RANBP2: variants seen among roughly 807,000 people sequenced by gnomAD.
RANBP2 encodes the protein E3 SUMO-protein ligase RanBP2.
A neutral mutation model predicts 303.6 loss-of-function variants in RANBP2; 57 were observed. That is an observed-to-expected ratio of 0.19 (90% CI 0.15 to 0.23). RANBP2 has a LOEUF of 0.23. Ranked by LOEUF, RANBP2 falls within the 10% of genes least tolerant of loss-of-function variation. The pLI is 1.00. For missense variants in RANBP2, 3,138 were observed against 3,780.8 expected, an observed-to-expected ratio of 0.83 and a Z score of 4.46; for synonymous variants, 1,167 against 1,301.5, an observed-to-expected ratio of 0.90 and a Z score of 2.23.
At chr2:109,155,941 G>C in the RANBP2 span, among the ~76,000 whole-genome samples, 2 of 152,188 alleles carry the variant, frequency 1.3e-5, no homozygotes, top group Non-Finnish European at 1.5e-5. Context: ...AGGTTTCCTT[G>C]GCAACTCAGG....
chr2:108,750,566 T>TCTTTTCTTTC (rs1675797336), intron 9 of RANBP2, among the ~76,000 whole-genome samples: 1 of 121,284 alleles, frequency 8.2e-6, no homozygotes, highest in Non-Finnish European at 1.5e-5. Context: ...CCTTTTCTTT[T>TCTTTTCTTTC]CTTTTCTTTT....
chr2:109,491,024 G>T, the RANBP2 span: 2 of 1,257,460 alleles, frequency 1.6e-6, no homozygotes, highest in Non-Finnish European at 1.0e-6. Context: ...GGACACTGTG[G>T]CCTTGCTGGG....
the RANBP2 span, among the ~76,000 whole-genome samples, chr2:109,054,088 C>T: frequency 6.6e-6 from 1 of 152,208 alleles, no homozygotes; most frequent in African/African-American, 2.4e-5. Flanking sequence ...GGGGTCTCAG[C>T]ATGCCCAGCC....
At chr2:109,316,563 C>A in the RANBP2 span, among the ~76,000 whole-genome samples, 169 of 152,284 alleles carry the variant, frequency 1.1e-3, 6 homozygotes, top group Admixed American at 0.011. Flanking sequence ...TGTTTTAGAG[C>A]AGTTTTAGGT....
the RANBP2 span, among the ~76,000 whole-genome samples, chr2:109,093,708 T>G: frequency 6.6e-6 from 1 of 152,196 alleles, no homozygotes; most frequent in Non-Finnish European, 1.5e-5. Flanking sequence ...TAAAAGGCCT[T>G]TATATTTTTT....
At chr2:109,392,357 G>A in the RANBP2 span, among the ~76,000 whole-genome samples, 1 of 152,164 alleles carries the variant, frequency 6.6e-6, no homozygotes, top group South Asian at 2.1e-4. Context: ...TGTGTAACTT[G>A]GAACAGGTCA....
the RANBP2 span, among the ~76,000 whole-genome samples, chr2:108,843,378 G>A: frequency 2.0e-5 from 3 of 152,070 alleles, no homozygotes; most frequent in Non-Finnish European, 4.4e-5. Flanking sequence ...GGCTGGTCTC[G>A]AACTCCTGAC....
chr2:108,974,366 T>C, the RANBP2 span, among the ~76,000 whole-genome samples: 1 of 139,666 alleles, frequency 7.2e-6, no homozygotes, highest in Non-Finnish European at 1.5e-5. Flanking sequence ...AAATGCCACA[T>C]ATTGACTGTG....
the RANBP2 span, among the ~76,000 whole-genome samples, chr2:109,573,036 T>C: frequency 1.3e-5 from 2 of 152,234 alleles, no homozygotes; most frequent in Non-Finnish European, 2.9e-5. Context: ...TAATATATAC[T>C]TACACAGTAT....
At chr2:109,668,154 T>C in the RANBP2 span, among the ~76,000 whole-genome samples, 40 of 152,306 alleles carry the variant, frequency 2.6e-4, no homozygotes, top group East Asian at 7.3e-3. Flanking sequence ...AGAGGAGAAA[T>C]GAAGCCTGCA....
At chr2:109,401,261 C>T in the RANBP2 span, among the ~76,000 whole-genome samples, 3 of 152,168 alleles carry the variant, frequency 2.0e-5, no homozygotes, top group Admixed American at 6.5e-5. Context: ...TGTGAACAGT[C>T]GAAAGTTGTG....
Position 108,763,780 on chromosome 2 carries a change from T to C in RANBP2, c.3241T>C (p.Tyr1081His). ...AGATAAACCCTTGCAAGGAGATGGC[T>C]ATAGTGGAGCCAAACCAATTCCTGG... ...TSDKPLQGDG[Y>H]SGAKPIPGGQ... Residue 1081 changes from tyrosine (Y) to histidine (H), a missense_variant, in exon 20 of 29, where the codon TAT becomes CAT. By Grantham distance (83) the Tyr-to-His change is moderately conservative (BLOSUM62 2). Around this residue, in one of 20 missense-constraint regions of RANBP2, gnomAD observed 403 missense variants for 376.7 expected, o/e 1.07. Transcript: ENST00000283195. 6.2e-7 allele frequency: 1 copy of C among 1,614,126 alleles called. No individual in the cohort carries two copies. The highest frequency in any genetic ancestry group is 1.1e-5 in the South Asian group (1 of 91,084).
At chr2:109,338,540 C>A in the RANBP2 span, among the ~76,000 whole-genome samples, 1 of 152,046 alleles carries the variant, frequency 6.6e-6, no homozygotes, top group South Asian at 2.1e-4. Context: ...CCGGCACAGT[C>A]AAAAACCTGT....
At chr2:109,683,836 A>G in the RANBP2 span, among the ~76,000 whole-genome samples, 2 of 152,166 alleles carry the variant, frequency 1.3e-5, no homozygotes, top group African/African-American at 4.8e-5. Context: ...TTGTGTGCCA[A>G]CAGTTATTCA....
At chr2:109,447,402 A>C in the RANBP2 span, among the ~76,000 whole-genome samples, 1 of 152,186 alleles carries the variant, frequency 6.6e-6, no homozygotes, top group Non-Finnish European at 1.5e-5. Context: ...TGTTAGGATT[A>C]ACGAGTGCAT....
chr2:108,953,656 G>A, the RANBP2 span, among the ~76,000 whole-genome samples: 1 of 152,092 alleles, frequency 6.6e-6, no homozygotes, highest in Non-Finnish European at 1.5e-5. Flanking sequence ...CTAATTTGGT[G>A]CTGTCATTGT....
chr2:108,964,556 C>T, the RANBP2 span, among the ~76,000 whole-genome samples: 2 of 152,222 alleles, frequency 1.3e-5, no homozygotes, highest in Non-Finnish European at 2.9e-5. Flanking sequence ...AAACCACAGT[C>T]ACCAGTGACT....
chr2:109,091,356 C>G, the RANBP2 span, among the ~76,000 whole-genome samples: 1 of 152,124 alleles, frequency 6.6e-6, no homozygotes, highest in Non-Finnish European at 1.5e-5. Flanking sequence ...TCACTGCTCC[C>G]TCTGTTTTAG....
chr2:109,301,521 A>T, the RANBP2 span, among the ~76,000 whole-genome samples: 513 of 152,220 alleles, frequency 3.4e-3, 2 homozygotes, highest in Non-Finnish European at 5.1e-3. Flanking sequence ...AGCACAGGGC[A>T]TGCCAGGACA....
Sources: gnomAD v4.1 joint callset for allele counts (sites outside exome capture counted in the v4.1 genomes callset) on GRCh38, gnomAD v4.1.1 for gene constraint, gnomAD v4.1.1 regional missense constraint, MANE v1.5 for transcripts, NCBI Gene and HGNC (gene_info 2026-07-23, HGNC 2026-07-21) for gene names.